The following CDHR3 variants were observed in gnomAD, a reference collection of about 807,000 sequenced individuals.
The protein encoded by CDHR3 is cadherin related family member 3.
CDHR3 carries 79 observed loss-of-function variants against 86.6 expected under a neutral mutation model. That is an observed-to-expected ratio of 0.91 (90% CI 0.76 to 1.10). The LOEUF (loss-of-function observed/expected upper bound fraction) is 1.10, where lower values mean the gene tolerates loss of function less well. Ranked by LOEUF, CDHR3 falls within the 50% of genes least tolerant of loss-of-function variation. The pLI, the probability that CDHR3 is intolerant of heterozygous loss-of-function variation, is 0.00. For missense variants in CDHR3, 1,081 were observed against 1,077.6 expected (o/e 1.00, Z -0.04); for synonymous variants, 421 against 402.4 (o/e 1.05, Z -0.55).
chr7:106,017,556 CACACACAG>C (rs1318344855), intron 11 of CDHR3, among the ~76,000 whole-genome samples: 3 of 125,626 alleles, frequency 2.4e-5, no homozygotes, highest in African/African-American at 9.7e-5. Context: ...GAGACTCCGT[CACACACAG>C]ACACACACAC....
At chr7:106,017,564 GAC>G (rs539661927) in intron 11 of CDHR3, among the ~76,000 whole-genome samples, 9,516 of 130,424 alleles carry the variant, frequency 0.073, 327 homozygotes, top group South Asian at 0.095. Context: ...GTCACACACA[GAC>G]ACACACACAC....
At chr7:105,985,925 G>A (rs769899351) in intron 4 of CDHR3, among the ~76,000 whole-genome samples, 1 of 152,140 alleles carries the variant, frequency 6.6e-6, no homozygotes, top group Non-Finnish European at 1.5e-5. Context: ...GTTCAGCACT[G>A]GTGCATCTGC....
chr7:105,987,119 A>AG (rs1013072069), intron 4 of CDHR3, among the ~76,000 whole-genome samples: 2 of 152,208 alleles, frequency 1.3e-5, no homozygotes, highest in African/African-American at 4.8e-5. Context: ...AACACCTCCT[A>AG]GATCAGGTAG....
At chr7:106,028,924 C>CTTTCCTTCTT in intron 17 of CDHR3, among the ~76,000 whole-genome samples, 1 of 89,994 alleles carries the variant, frequency 1.1e-5, no homozygotes, top group East Asian at 3.1e-4. Flanking sequence ...AATTTTCTTT[C>CTTTCCTTCTT]TTTCTTTCTT....
chr7:105,985,688 T>C (rs1017306773), intron 4 of CDHR3, among the ~76,000 whole-genome samples: 1 of 152,320 alleles, frequency 6.6e-6, no homozygotes, highest in African/African-American at 2.4e-5. Context: ...CATTCATTCA[T>C]TAACTCATTC....
At chr7:106,003,583 A>G (rs868282348) in intron 7 of CDHR3, among the ~76,000 whole-genome samples, 4 of 152,336 alleles carry the variant, frequency 2.6e-5, no homozygotes, top group South Asian at 2.1e-4. Context: ...CTTGTAGGTC[A>G]TGAAGCAGAA....
chr7:106,028,590 T>C lies in CDHR3; in HGVS notation c.2304+8T>C. On this transcript the variant is annotated splice_region_variant and intron_variant, in intron 17 of 18. Coordinates refer to ENST00000317716, the MANE Select transcript of CDHR3 (RefSeq NM_152750.5). Reference sequence around the variant, plus strand: ...GAGAGAGACGTCGTGGTGGTGAGTATGGGCAGTGTGGGGCACCAGGCATAG... The same window carrying C: ...GAGAGAGACGTCGTGGTGGTGAGTACGGGCAGTGTGGGGCACCAGGCATAG... The C allele has an allele frequency of 6.2e-7, 1 of 1,613,896 alleles. No individual in the cohort carries two copies. The highest frequency in any genetic ancestry group is 8.5e-7 in the Non-Finnish European group (1 of 1,179,844).
chr7:105,995,118 C>T (rs1831989009), intron 5 of CDHR3, among the ~76,000 whole-genome samples: 1 of 152,180 alleles, frequency 6.6e-6, no homozygotes, highest in African/African-American at 2.4e-5. Context: ...CAAGGTCAGA[C>T]ATAACCAGGT....
chr7:106,013,171 T>C, intron 9 of CDHR3, 140 bp downstream of exon 9: 3 of 673,288 alleles, frequency 4.5e-6, no homozygotes, highest in Non-Finnish European at 7.0e-6. Context: ...TAATAGTGAG[T>C]CTGTGTTCCC....
At chr7:105,980,901 C>T (rs1829635085) in intron 2 of CDHR3, 67 bp from the exon 3 acceptor site, 7 of 1,426,248 alleles carry the variant, frequency 4.9e-6, no homozygotes, top group Non-Finnish European at 6.7e-6. Flanking sequence ...TATCCCTTTG[C>T]AAAGTGCATG....
intron 1 of CDHR3, among the ~76,000 whole-genome samples, chr7:105,967,990 T>A (rs886307781): frequency 6.6e-6 from 1 of 152,252 alleles, no homozygotes; most frequent in African/African-American, 2.4e-5. Flanking sequence ...TTGCCTTATG[T>A]TGCCATTGCT....
Position 105,994,528 on chromosome 7 carries a change from A to G in CDHR3, c.514-223A>G, listed in dbSNP as rs564046442. On this transcript the variant is annotated intron_variant, in intron 4 of 18. Transcript: ENST00000317716. ...TCTGTAGTTAGAACAAGATCCACTCACCAGCTTTTCAGGGTGTGGTCAACC... is the reference window on the plus strand; with the variant it reads ...TCTGTAGTTAGAACAAGATCCACTCGCCAGCTTTTCAGGGTGTGGTCAACC... 2.6e-5 allele frequency among the ~76,000 whole-genome samples: 4 copies of G among 152,298 alleles called. No individual in the cohort carries two copies. In the South Asian group the frequency reaches 6.2e-4, roughly 24 times the overall value.
chr7:106,028,984 CTTTCT>C (rs1837900142), intron 17 of CDHR3, among the ~76,000 whole-genome samples: 1 of 142,842 alleles, frequency 7.0e-6, no homozygotes, highest in African/African-American at 2.6e-5. Context: ...TTCTTTCTTT[CTTTCT>C]TTCTTTTTAA....
chr7:105,965,571 C>CCCCCCCA (rs1826787275), intron 1 of CDHR3, among the ~76,000 whole-genome samples: 1 of 112,394 alleles, frequency 8.9e-6, no homozygotes, highest in African/African-American at 2.9e-5. Flanking sequence ...AGCCCCACCC[C>CCCCCCCA]CCCCCATGGA....
At chr7:105,984,369 G>A (rs952330970) in intron 4 of CDHR3, 80 bp downstream of exon 4, 2 of 1,048,800 alleles carry the variant, frequency 1.9e-6, no homozygotes, top group Non-Finnish European at 2.8e-6. Flanking sequence ...AGTCTTGGCG[G>A]GGTGAGTTTG....
At chr7:106,012,422 G>T (rs1170712839) in intron 8 of CDHR3, among the ~76,000 whole-genome samples, 1 of 152,178 alleles carries the variant, frequency 6.6e-6, no homozygotes, top group East Asian at 1.9e-4. Flanking sequence ...GGATTCCACA[G>T]CTAGTGCAGG....
At chr7:106,018,197 A>G in intron 12 of CDHR3, 125 bp downstream of exon 12, 1 of 704,472 alleles carries the variant, frequency 1.4e-6, no homozygotes, top group Non-Finnish European at 2.4e-6. Context: ...GGATGTGGTG[A>G]GAAACAAGTA....
At chr7:106,020,758 G>A (rs1484425935) in intron 13 of CDHR3, among the ~76,000 whole-genome samples, 1 of 152,156 alleles carries the variant, frequency 6.6e-6, no homozygotes, top group Non-Finnish European at 1.5e-5. Context: ...AAGTAGCTGA[G>A]ACTACAGGCA....
At chr7:105,978,606 T>C (rs541675363) in intron 2 of CDHR3, among the ~76,000 whole-genome samples, 2 of 152,196 alleles carry the variant, frequency 1.3e-5, no homozygotes, top group Admixed American at 6.5e-5. Context: ...TCCTTAAATG[T>C]GAAATGGAGG....
Sources: gnomAD v4.1 joint callset for allele counts (sites outside exome capture counted in the v4.1 genomes callset) on GRCh38, gnomAD v4.1.1 for gene constraint, MANE v1.5 for transcripts, NCBI Gene and HGNC (gene_info 2026-07-23, HGNC 2026-07-21) for gene names.